The following CLNK variants were observed in gnomAD, a reference collection of about 807,000 sequenced individuals.
CLNK encodes the protein cytokine dependent hematopoietic cell linker.
In CLNK, 74 loss-of-function variants were observed where a neutral mutation model predicts 68.6. The ratio of observed to expected loss-of-function variants is 1.08; its 90% CI spans 0.89 to 1.31. CLNK has a LOEUF of 1.31. CLNK is among the 50% of genes most tolerant of loss of function. CLNK has a pLI of 0.00. For missense variants in CLNK, 553 were observed against 515.3 expected (o/e 1.07, Z -0.71); for synonymous variants, 198 against 172.2 (o/e 1.15, Z -1.17).
the CLNK span, among the ~76,000 whole-genome samples, chr4:10,712,725 A>T: frequency 6.6e-6 from 1 of 152,204 alleles, no homozygotes; most frequent in Non-Finnish European, 1.5e-5. Flanking sequence ...GGACAGTGGG[A>T]GGGACAAAAT....
the CLNK span, among the ~76,000 whole-genome samples, chr4:10,721,426 A>G: frequency 6.6e-6 from 1 of 152,236 alleles, no homozygotes. Flanking sequence ...TTGAAAAATT[A>G]AAAAGGAACA....
intron 18 of CLNK, among the ~76,000 whole-genome samples, chr4:10,499,437 G>A (rs1356079354): frequency 1.3e-5 from 2 of 152,142 alleles, no homozygotes; most frequent in Non-Finnish European, 2.9e-5. Context: ...CCTCATGGTC[G>A]CCTCACAGGT....
At chr4:10,637,440 T>TTTTG (rs1723133653) in intron 2 of CLNK, among the ~76,000 whole-genome samples, 1 of 149,178 alleles carries the variant, frequency 6.7e-6, no homozygotes. Flanking sequence ...TAAAAAAAGT[T>TTTTG]TTTTTTTTTT....
At chr4:10,665,111 C>T (rs564476635) in intron 2 of CLNK, among the ~76,000 whole-genome samples, 1 of 152,166 alleles carries the variant, frequency 6.6e-6, no homozygotes, top group Admixed American at 6.5e-5. Context: ...GAAGGCTCCC[C>T]GTGGACTCAT....
At chr4:10,583,083 C>T (rs1720840526) in intron 4 of CLNK, among the ~76,000 whole-genome samples, 1 of 152,148 alleles carries the variant, frequency 6.6e-6, no homozygotes, top group East Asian at 1.9e-4. Context: ...CGTCAAAAAT[C>T]AGAAACAACT....
chr4:10,712,311 G>C, the CLNK span, among the ~76,000 whole-genome samples: 2 of 152,108 alleles, frequency 1.3e-5, no homozygotes, highest in South Asian at 2.1e-4. Context: ...TATGGATCAG[G>C]GGTGGGGTGG....
chr4:10,691,046 C>T, the CLNK span, among the ~76,000 whole-genome samples: 1 of 152,088 alleles, frequency 6.6e-6, no homozygotes, highest in South Asian at 2.1e-4. Flanking sequence ...GAAGTTTGAG[C>T]TGAGGTCTAA....
At chr4:10,624,032 C>T (rs916338184) in intron 2 of CLNK, among the ~76,000 whole-genome samples, 2 of 152,178 alleles carry the variant, frequency 1.3e-5, no homozygotes, top group Non-Finnish European at 2.9e-5. Flanking sequence ...GTCCCAGTGA[C>T]GGCAACAACC....
intron 16 of CLNK, among the ~76,000 whole-genome samples, chr4:10,509,781 C>A (rs1259534076): frequency 6.6e-6 from 1 of 152,194 alleles, no homozygotes; most frequent in Admixed American, 6.5e-5. Flanking sequence ...ATGCCTCAGC[C>A]TCCCATAGTG....
chr4:10,673,845 C>A (rs190600278), intron 1 of CLNK, among the ~76,000 whole-genome samples: 6 of 151,768 alleles, frequency 4.0e-5, no homozygotes, highest in Admixed American at 3.9e-4. Context: ...AAGATCTGAC[C>A]CAGATCAAAG....
chr4:10,658,731 T>C (rs111959344), intron 2 of CLNK, among the ~76,000 whole-genome samples: 160 of 152,310 alleles, frequency 1.1e-3, no homozygotes, highest in African/African-American at 3.8e-3. Context: ...TTAAAGACTA[T>C]GCACGGACCC....
At chr4:10,591,153 C>T (rs753758798) in intron 3 of CLNK, among the ~76,000 whole-genome samples, 9 of 152,030 alleles carry the variant, frequency 5.9e-5, no homozygotes, top group Non-Finnish European at 1.0e-4. Context: ...TCCTAGAGGT[C>T]GTGTGGAGGT....
chr4:10,679,991 A>G (rs1220847634), intron 1 of CLNK, among the ~76,000 whole-genome samples: 13 of 152,142 alleles, frequency 8.5e-5, no homozygotes, highest in Non-Finnish European at 1.5e-5. Flanking sequence ...TAGAAATACC[A>G]TTTGACCCAG....
intron 4 of CLNK, among the ~76,000 whole-genome samples, chr4:10,579,493 C>T (rs1265815445): frequency 6.6e-6 from 1 of 152,062 alleles, no homozygotes; most frequent in East Asian, 1.9e-4. Flanking sequence ...CATATATGAC[C>T]GTGGTCTCAT....
intron 4 of CLNK, among the ~76,000 whole-genome samples, chr4:10,573,396 C>A (rs1027407544): frequency 3.3e-5 from 5 of 152,156 alleles, no homozygotes; most frequent in African/African-American, 1.2e-4. Flanking sequence ...CCCCTGGTCC[C>A]AGCCCATCCT....
At chr4:10,652,381 C>CAAAAAAAAAAA (rs67304153) in intron 2 of CLNK, among the ~76,000 whole-genome samples, 3 of 50,730 alleles carry the variant, frequency 5.9e-5, no homozygotes, top group Admixed American at 3.1e-4. Flanking sequence ...GACTCTGTCT[C>CAAAAAAAAAAA]AAAAAAAAAA....
At position 10,566,006 on chromosome 4, in the gene CLNK, T is replaced by G; in HGVS notation, c.292+3A>C. ...TTATTTCAGGCAGACCCCCAAACGTTACCTGCATATTCAGATTCCTTTATA... is the reference window on the plus strand; with the variant it reads ...TTATTTCAGGCAGACCCCCAAACGTGACCTGCATATTCAGATTCCTTTATA... On this transcript the variant is annotated splice_donor_region_variant and intron_variant, in intron 6 of 18. Transcript: ENST00000226951. 1 of 1,613,540 alleles carries G rather than the reference T, an allele frequency of 6.2e-7. No individual in the cohort carries two copies. Among genetic ancestry groups the G allele is most frequent in the Non-Finnish European group, 8.5e-7 (1 of 1,179,610 alleles).
At chr4:10,568,172 T>C (rs911429362) in intron 5 of CLNK, among the ~76,000 whole-genome samples, 9 of 152,218 alleles carry the variant, frequency 5.9e-5, no homozygotes, top group African/African-American at 2.2e-4. Context: ...AAGTGTTGTA[T>C]AGTCACACAA....
At chr4:10,512,839 T>C (rs748956890) in intron 16 of CLNK, among the ~76,000 whole-genome samples, 9 of 150,342 alleles carry the variant, frequency 6.0e-5, no homozygotes, top group African/African-American at 1.7e-4. Context: ...TGAAACTTTA[T>C]CCCCCCCACC....
Sources: allele counts gnomAD v4.1 joint callset (sites outside exome capture counted in the v4.1 genomes callset), GRCh38; gene constraint gnomAD v4.1.1; transcripts MANE v1.5; gene names NCBI Gene and HGNC (gene_info 2026-07-23, HGNC 2026-07-21).